The following GPHN variants were observed in gnomAD, a reference collection of about 807,000 sequenced individuals.
GPHN encodes gephyrin.
GPHN carries 17 observed loss-of-function variants against 95.5 expected under a neutral mutation model. The observed-to-expected ratio is 0.18, with a 90% CI of 0.12 to 0.27. The LOEUF (loss-of-function observed/expected upper bound fraction) is 0.27, where lower values mean the gene tolerates loss of function less well. Ranked by LOEUF, GPHN falls within the 10% of genes least tolerant of loss-of-function variation. The pLI is 1.00. For missense variants in GPHN, 660 were observed against 978.1 expected (o/e 0.67, Z 4.34); for synonymous variants, 320 against 322.5 (o/e 0.99, Z 0.08).
At chr14:67,600,402 CGAAA>C in the GPHN span, 2 of 535,846 alleles carry the variant, frequency 3.7e-6, no homozygotes, top group Non-Finnish European at 6.5e-6. Context: ...TGACTGTCTT[CGAAA>C]AAACCTCGTC....
intron 8 of GPHN, among the ~76,000 whole-genome samples, chr14:66,961,900 GTATATATATATATATATATATA>G (rs767734322): frequency 0.06 from 3,195 of 53,020 alleles, 197 homozygotes; most frequent in Non-Finnish European, 0.093. Flanking sequence ...CCCTGAATGT[GTATATATATATATATATATATA>G]TATATATATA....
At chr14:67,307,999 A>G in the GPHN span, among the ~76,000 whole-genome samples, 1 of 152,142 alleles carries the variant, frequency 6.6e-6, no homozygotes, top group Non-Finnish European at 1.5e-5. Context: ...CAAAAACCAC[A>G]TGTTCTCTTA....
the GPHN span, chr14:67,225,386 T>C: frequency 1.7e-6 from 1 of 591,604 alleles, no homozygotes. Context: ...AGTAACAATA[T>C]AAGTGGAATG....
chr14:67,464,595 C>T, the GPHN span, among the ~76,000 whole-genome samples: 1 of 152,126 alleles, frequency 6.6e-6, no homozygotes. Context: ...GCCTCTTGTA[C>T]CAGCTGTTTC....
chr14:67,304,995 C>A, the GPHN span, among the ~76,000 whole-genome samples: 1 of 152,096 alleles, frequency 6.6e-6, no homozygotes, highest in Non-Finnish European at 1.5e-5. Context: ...ACAGAACATA[C>A]GGAAGTTGAT....
At chr14:67,716,155 C>CAG in the GPHN span, among the ~76,000 whole-genome samples, 2 of 151,234 alleles carry the variant, frequency 1.3e-5, no homozygotes, top group African/African-American at 4.9e-5. Flanking sequence ...CGAGATCACG[C>CAG]CACTGCACTC....
chr14:66,663,752 A>G lies in GPHN; in HGVS notation c.65-17355A>G, dbSNP rs544230748. Among the ~76,000 whole-genome samples the G allele has an allele frequency of 3.9e-5, 6 of 152,330 alleles. No individual in the cohort carries two copies. The South Asian group carries it at 1.0e-3, about 26-fold the overall frequency. ...CTTCAAGAGACCCATCTCATGTGGA[A>G]TGACACACATAGGCTCAAAAAAGGA... On this transcript the variant is annotated intron_variant, in intron 1 of 22. Coordinates refer to ENST00000478722, the MANE Select transcript of GPHN (RefSeq NM_020806.5).
chr14:67,202,621 C>G, the GPHN span, among the ~76,000 whole-genome samples: 1 of 152,034 alleles, frequency 6.6e-6, no homozygotes, highest in Non-Finnish European at 1.5e-5. Flanking sequence ...TTAATTGGCT[C>G]TATGGAATTT....
At chr14:67,635,146 A>G in the GPHN span, among the ~76,000 whole-genome samples, 2 of 152,182 alleles carry the variant, frequency 1.3e-5, no homozygotes, top group Non-Finnish European at 2.9e-5. Flanking sequence ...CTGGAGGCTG[A>G]TATGTGAGAA....
chr14:66,696,118 T>C (rs767903019), intron 2 of GPHN, among the ~76,000 whole-genome samples: 28 of 152,220 alleles, frequency 1.8e-4, no homozygotes, highest in Non-Finnish European at 4.1e-4. Context: ...AAGGGATATA[T>C]GGGAAATTAT....
At chr14:66,603,273 A>G (rs1595185854) in intron 1 of GPHN, among the ~76,000 whole-genome samples, 2 of 151,900 alleles carry the variant, frequency 1.3e-5, no homozygotes, top group African/African-American at 2.4e-5. Flanking sequence ...TAATCCCTCT[A>G]TCCAGAAATA....
At chr14:67,219,932 T>C in the GPHN span, among the ~76,000 whole-genome samples, 3 of 152,300 alleles carry the variant, frequency 2.0e-5, no homozygotes, top group African/African-American at 7.2e-5. Flanking sequence ...GGAACATAAT[T>C]ACTAGCTAGA....
the GPHN span, among the ~76,000 whole-genome samples, chr14:67,213,200 CATGTGCACA>C: frequency 8.1e-5 from 12 of 148,544 alleles, no homozygotes; most frequent in Admixed American, 4.1e-4. Flanking sequence ...TTTTAGGGTA[CATGTGCACA>C]ATGTGCAGGT....
At chr14:66,546,254 G>T (rs1220628344) in intron 1 of GPHN, among the ~76,000 whole-genome samples, 2 of 151,734 alleles carry the variant, frequency 1.3e-5, no homozygotes, top group African/African-American at 4.8e-5. Flanking sequence ...AGATGGGATG[G>T]CGGCCGGGCA....
intron 1 of GPHN, among the ~76,000 whole-genome samples, chr14:66,643,294 C>T (rs1444615536): frequency 6.6e-6 from 1 of 151,986 alleles, no homozygotes; most frequent in Admixed American, 6.6e-5. Flanking sequence ...ATATCTGATA[C>T]ACAAATTGGT....
the GPHN span, chr14:67,674,382 C>T: frequency 6.3e-7 from 1 of 1,597,120 alleles, no homozygotes; most frequent in Non-Finnish European, 8.5e-7. Context: ...CACCGGTCCC[C>T]GCCGTCCCCA....
At chr14:67,686,424 A>C in the GPHN span, among the ~76,000 whole-genome samples, 104 of 152,204 alleles carry the variant, frequency 6.8e-4, no homozygotes, top group African/African-American at 2.4e-3. Flanking sequence ...GGACTGCCTG[A>C]GCTCAGGAGT....
intron 3 of GPHN, among the ~76,000 whole-genome samples, chr14:66,801,067 A>G (rs2060331240): frequency 6.6e-6 from 1 of 151,756 alleles, no homozygotes; most frequent in Non-Finnish European, 1.5e-5. Flanking sequence ...TCTTTGTTAA[A>G]TTTATCTGAT....
intron 1 of GPHN, among the ~76,000 whole-genome samples, chr14:66,651,745 AG>A (rs1175583630): frequency 1.3e-5 from 2 of 152,130 alleles, no homozygotes; most frequent in African/African-American, 4.8e-5. Context: ...TTTGTGAAGC[AG>A]GGTTTCCTGC....
Sources: gnomAD v4.1 joint callset for allele counts (sites outside exome capture counted in the v4.1 genomes callset) on GRCh38, gnomAD v4.1.1 for gene constraint, MANE v1.5 for transcripts, NCBI Gene and HGNC (gene_info 2026-07-23, HGNC 2026-07-21) for gene names.